LDB2: variants seen among roughly 807,000 people sequenced by gnomAD.
The protein encoded by LDB2 is LIM domain-binding protein 2.
In LDB2, 12 loss-of-function variants were observed where a neutral mutation model predicts 44.3. The observed-to-expected ratio is 0.27, with a 90% confidence interval of 0.17 to 0.44. The LOEUF (loss-of-function observed/expected upper bound fraction) is 0.44, where lower values mean the gene tolerates loss of function less well. Ranked by LOEUF, LDB2 falls within the 20% of genes least tolerant of loss-of-function variation. LDB2 has a pLI of 1.00. For synonymous variants in LDB2, 164 were observed against 174.8 expected, an observed-to-expected ratio of 0.94 and a Z score of 0.49; for missense variants, 344 against 473.5, an observed-to-expected ratio of 0.73 and a Z score of 2.54.
intron 1 of LDB2, among the ~76,000 whole-genome samples, chr4:16,870,053 C>T (rs1479037784): frequency 6.6e-6 from 1 of 152,154 alleles, no homozygotes; most frequent in Admixed American, 6.5e-5. Flanking sequence ...CAGCAGCAAC[C>T]CCAAATGCTT....
intron 7 of LDB2, chr4:16,506,419 C>T (rs952624333): frequency 6.3e-6 from 1 of 159,194 alleles, no homozygotes; most frequent in African/African-American, 2.4e-5. Context: ...AGGGTCTCTA[C>T]TTGTTACAAA....
chr4:16,555,177 C>T (rs1169173928), intron 5 of LDB2, among the ~76,000 whole-genome samples: 2 of 147,644 alleles, frequency 1.4e-5, no homozygotes, highest in African/African-American at 5.0e-5. Context: ...CACAGAGATT[C>T]TGATTCAATT....
intron 2 of LDB2, among the ~76,000 whole-genome samples, chr4:16,689,140 C>T (rs1366634280): frequency 6.6e-6 from 1 of 152,136 alleles, no homozygotes; most frequent in Non-Finnish European, 1.5e-5. Flanking sequence ...GTAGGTGGAA[C>T]CTTTAATGAG....
intron 1 of LDB2, among the ~76,000 whole-genome samples, chr4:16,869,121 G>A (rs1715669249): frequency 6.6e-6 from 1 of 152,024 alleles, no homozygotes; most frequent in Non-Finnish European, 1.5e-5. Flanking sequence ...ATGCTATGAG[G>A]TGGGCATCAT....
rs967621083 is a variant in LDB2 at position 16,585,854 on chromosome 4, G to T, written c.615+68C>A. 13 of 1,165,384 alleles carry T rather than the reference G, an allele frequency of 1.1e-5. No homozygotes were observed. The African/African-American group carries it at 1.7e-4, about 15-fold the overall frequency. The allele number at this position is 1,165,384 out of a possible 1,614,324, so 72.2% of individuals were successfully genotyped here. A position where few individuals can be genotyped will look rare whatever the true frequency, so the allele number is the denominator to read the frequency against. ...TACCTCATTTTAACTTCTTGGTTCA[G>T]GATGCATATAAACCTCTGGAGTACT... On this transcript the variant is annotated intron_variant, in intron 5 of 7. Transcript: ENST00000304523.
chr4:16,753,244 A>G lies in LDB2; in HGVS notation c.235+5914T>C, dbSNP rs1653743035. On this transcript the variant is annotated intron_variant, in intron 2 of 7. Transcript: ENST00000304523. ...TTTTCCCAGAAACATGTTTTAAATCATGTATATAGCAAGCACAGTACAAAT... is the reference window on the plus strand; with the variant it reads ...TTTTCCCAGAAACATGTTTTAAATCGTGTATATAGCAAGCACAGTACAAAT... Among the ~76,000 whole-genome samples, 4 of 152,358 alleles carry G rather than the reference A, an allele frequency of 2.6e-5. No homozygotes were observed. The South Asian group carries it at 8.3e-4, about 32-fold the overall frequency.
intron 1 of LDB2, among the ~76,000 whole-genome samples, chr4:16,890,827 G>A (rs1304553939): frequency 3.3e-5 from 5 of 152,282 alleles, no homozygotes; most frequent in South Asian, 2.1e-4. Context: ...CAATGGCTTT[G>A]CAGGTAGCTA....
At chr4:16,639,750 G>A (rs1020377784) in intron 2 of LDB2, among the ~76,000 whole-genome samples, 3 of 152,150 alleles carry the variant, frequency 2.0e-5, no homozygotes, top group Non-Finnish European at 2.9e-5. Flanking sequence ...GTGAGCCACC[G>A]TACCCAGAGT....
At chr4:16,692,557 A>G (rs746243804) in intron 2 of LDB2, among the ~76,000 whole-genome samples, 19 of 151,958 alleles carry the variant, frequency 1.3e-4, no homozygotes, top group Non-Finnish European at 2.4e-4. Context: ...GGAAAGAAAA[A>G]ATACTTTTTT....
At chr4:16,805,320 G>A (rs1778573231) in intron 1 of LDB2, among the ~76,000 whole-genome samples, 1 of 152,222 alleles carries the variant, frequency 6.6e-6, no homozygotes. Context: ...TGCTGGGTAA[G>A]TCAACAAACT....
At chr4:16,719,905 A>G (rs116097936) in intron 2 of LDB2, among the ~76,000 whole-genome samples, 1 of 152,190 alleles carries the variant, frequency 6.6e-6, no homozygotes, top group Non-Finnish European at 1.5e-5. Flanking sequence ...GAGGAAACTG[A>G]AATCTAATGA....
At chr4:16,841,199 C>T (rs770180525) in intron 1 of LDB2, among the ~76,000 whole-genome samples, 4 of 152,058 alleles carry the variant, frequency 2.6e-5, no homozygotes, top group African/African-American at 7.2e-5. Context: ...TCAGGGCAGG[C>T]ATAACCATAG....
chr4:16,584,766 C>T (rs1318194596), intron 5 of LDB2, among the ~76,000 whole-genome samples: 2 of 152,154 alleles, frequency 1.3e-5, no homozygotes, highest in African/African-American at 2.4e-5. Flanking sequence ...GGGCCTTGAC[C>T]ACAAGGTGAA....
Position 16,680,229 on chromosome 4 carries a change from C to T in LDB2, c.235+78929G>A, listed in dbSNP as rs79601397. On this transcript the variant is annotated intron_variant, in intron 2 of 7. Transcript: ENST00000304523. ...AGACAGCATCTTAATGCTGGACTTC[C>T]CTGCTTTCAGGACTTTGAAGAATAT... Among the ~76,000 whole-genome samples the T allele has an allele frequency of 5.1e-3, 770 of 152,270 alleles. 9 individuals carry two copies. The highest frequency in any genetic ancestry group is 0.017 in the African/African-American group (725 of 41,542).
intron 5 of LDB2, among the ~76,000 whole-genome samples, chr4:16,540,650 A>G (rs1182788683): frequency 2.0e-5 from 3 of 152,218 alleles, no homozygotes; most frequent in Admixed American, 6.5e-5. Context: ...GAGCTGTGAC[A>G]ATCATTTTGA....
intron 1 of LDB2, among the ~76,000 whole-genome samples, chr4:16,801,631 A>G (rs374926150): frequency 2.8e-4 from 43 of 152,350 alleles, no homozygotes; most frequent in African/African-American, 1.0e-3. Flanking sequence ...CACAGACTTA[A>G]TGATTACATT....
At chr4:16,852,179 C>T (rs1788404551) in intron 1 of LDB2, among the ~76,000 whole-genome samples, 2 of 152,134 alleles carry the variant, frequency 1.3e-5, no homozygotes, top group Admixed American at 1.3e-4. Flanking sequence ...ATGCAAAGCA[C>T]CTCTCAGAGT....
intron 2 of LDB2, among the ~76,000 whole-genome samples, chr4:16,655,034 G>A (rs531266908): frequency 6.6e-6 from 1 of 152,140 alleles, no homozygotes; most frequent in African/African-American, 2.4e-5. Context: ...AAAGAGATTC[G>A]AACGAAATCT....
At chr4:16,601,473 GTAAC>G (rs1386745511) in intron 2 of LDB2, among the ~76,000 whole-genome samples, 1 of 152,084 alleles carries the variant, frequency 6.6e-6, no homozygotes, top group Non-Finnish European at 1.5e-5. Context: ...AGGAAAATTT[GTAAC>G]TAACAATATA....
Sources: allele counts gnomAD v4.1 joint callset (sites outside exome capture counted in the v4.1 genomes callset), GRCh38; gene constraint gnomAD v4.1.1; transcripts MANE v1.5; gene names NCBI Gene and HGNC (gene_info 2026-07-23, HGNC 2026-07-21).